The following IMMP2L variants were observed in gnomAD, a reference collection of about 807,000 sequenced individuals.
IMMP2L encodes inner mitochondrial membrane peptidase subunit 2.
IMMP2L carries 18 observed loss-of-function variants against 19.3 expected under a neutral mutation model. The observed-to-expected ratio is 0.93, with a 90% CI of 0.64 to 1.38. The LOEUF is 1.38. Ranked by LOEUF, IMMP2L falls within the 40% of genes most tolerant of loss-of-function variation. The pLI, the probability that IMMP2L is intolerant of heterozygous loss-of-function variation, is 0.00. For synonymous variants in IMMP2L, 76 were observed against 73.0 expected (o/e 1.04, Z -0.21); for missense variants, 233 against 218.2 (o/e 1.07, Z -0.43).
rs796255784 is a variant in IMMP2L, at chr7:111,343,462, C to T, written c.239+143776G>A. On this transcript the variant is annotated intron_variant, in intron 3 of 5. Transcript: ENST00000405709. ...TATCCTGTCCTTTCTAACTTCCACT[C>T]GGCCTTCACTATTCAGCTGAGACAT... Among the ~76,000 whole-genome samples the T allele has an allele frequency of 5.3e-5, 8 of 152,136 alleles. No individual in the cohort carries two copies. In the East Asian group the frequency reaches 5.8e-4, roughly 11 times the overall value.
At chr7:111,384,208 A>G (rs987335454) in intron 3 of IMMP2L, among the ~76,000 whole-genome samples, 3 of 150,582 alleles carry the variant, frequency 2.0e-5, no homozygotes, top group Admixed American at 6.6e-5. Context: ...GAAAGGAGAG[A>G]AGAGAGAGGA....
chr7:110,663,873 T>C (rs1483430640), intron 5 of IMMP2L, 152 bp from the exon 6 acceptor site: 5 of 527,272 alleles, frequency 9.5e-6, no homozygotes, highest in Admixed American at 7.4e-5. Flanking sequence ...TTGTAGCCAT[T>C]GAAATACAAA....
intron 3 of IMMP2L, among the ~76,000 whole-genome samples, chr7:111,050,244 C>A (rs1004315677): frequency 5.9e-5 from 9 of 152,118 alleles, no homozygotes; most frequent in African/African-American, 2.2e-4. Flanking sequence ...CCACTGGGAG[C>A]AATACAGTAA....
intron 1 of IMMP2L, among the ~76,000 whole-genome samples, chr7:111,536,684 T>TA (rs1475275283): frequency 6.6e-6 from 1 of 152,126 alleles, no homozygotes. Context: ...CTTGCACATA[T>TA]AAAAAATTTT....
chr7:110,923,817 G>A (rs2129550789), intron 4 of IMMP2L, among the ~76,000 whole-genome samples: 1 of 152,098 alleles, frequency 6.6e-6, no homozygotes, highest in Middle Eastern at 3.4e-3. Flanking sequence ...TCTTTGTTTA[G>A]GCATTCCTTC....
intron 5 of IMMP2L, among the ~76,000 whole-genome samples, chr7:110,811,299 C>T (rs909114918): frequency 6.6e-6 from 1 of 152,012 alleles, no homozygotes; most frequent in Non-Finnish European, 1.5e-5. Flanking sequence ...GTTTAAAAAT[C>T]ACCAATTCTA....
intron 3 of IMMP2L, among the ~76,000 whole-genome samples, chr7:111,133,338 C>A (rs550801259): frequency 6.6e-6 from 1 of 152,022 alleles, no homozygotes; most frequent in Non-Finnish European, 1.5e-5. Flanking sequence ...TTCTCAGTTA[C>A]TGTAACGTAG....
At chr7:110,674,973 CA>C (rs1413430464) in intron 5 of IMMP2L, among the ~76,000 whole-genome samples, 1 of 152,172 alleles carries the variant, frequency 6.6e-6, no homozygotes, top group African/African-American at 2.4e-5. Flanking sequence ...CCAGCCAGTC[CA>C]ATTCATATCC....
intron 2 of IMMP2L, among the ~76,000 whole-genome samples, chr7:111,497,593 G>T (rs912213461): frequency 1.3e-5 from 2 of 152,094 alleles, no homozygotes; most frequent in East Asian, 3.9e-4. Context: ...AGGAAAGACA[G>T]GACGGAAGAA....
intron 5 of IMMP2L, among the ~76,000 whole-genome samples, chr7:110,677,526 ACTC>A (rs1792399211): frequency 6.6e-6 from 1 of 152,032 alleles, no homozygotes; most frequent in Admixed American, 6.6e-5. Context: ...GATAAACACA[ACTC>A]CTAATAAAAC....
intron 5 of IMMP2L, among the ~76,000 whole-genome samples, chr7:110,843,974 C>A (rs1478034051): frequency 6.6e-6 from 1 of 152,140 alleles, no homozygotes. Flanking sequence ...CAGACTGTTA[C>A]AGACTGGGTT....
intron 5 of IMMP2L, among the ~76,000 whole-genome samples, chr7:110,828,054 T>C (rs1285689775): frequency 1.3e-5 from 2 of 152,154 alleles, no homozygotes; most frequent in African/African-American, 4.8e-5. Context: ...AAAGTGCTCC[T>C]ATCCAGATTT....
chr7:111,468,606 T>G (rs1051419894), intron 3 of IMMP2L, among the ~76,000 whole-genome samples: 6 of 152,042 alleles, frequency 3.9e-5, no homozygotes, highest in Non-Finnish European at 5.9e-5. Flanking sequence ...GAAAATGGAA[T>G]CAGCAGAAGT....
At chr7:111,537,765 A>G (rs1848026677) in intron 1 of IMMP2L, among the ~76,000 whole-genome samples, 2 of 151,788 alleles carry the variant, frequency 1.3e-5, no homozygotes, top group South Asian at 4.2e-4. Context: ...CAAACTCCTG[A>G]GCTCAAGTGA....
chr7:111,419,785 T>G (rs1385085352), intron 3 of IMMP2L, among the ~76,000 whole-genome samples: 1 of 151,204 alleles, frequency 6.6e-6, no homozygotes, highest in Non-Finnish European at 1.5e-5. Flanking sequence ...AAAATAAACT[T>G]TCTAAATTAA....
intron 3 of IMMP2L, among the ~76,000 whole-genome samples, chr7:111,304,444 G>A (rs1300224859): frequency 6.6e-6 from 1 of 151,884 alleles, no homozygotes; most frequent in Non-Finnish European, 1.5e-5. Flanking sequence ...AATGAATTGA[G>A]AAGAGTAAAA....
At chr7:111,193,174 T>C (rs1809085826) in intron 3 of IMMP2L, among the ~76,000 whole-genome samples, 1 of 152,126 alleles carries the variant, frequency 6.6e-6, no homozygotes, top group Non-Finnish European at 1.5e-5. Context: ...TTTTGTGAAG[T>C]ATGTGGAGAT....
At chr7:111,236,079 C>A (rs749499757) in intron 3 of IMMP2L, among the ~76,000 whole-genome samples, 2 of 152,092 alleles carry the variant, frequency 1.3e-5, no homozygotes, top group South Asian at 4.2e-4. Flanking sequence ...TCTTTCCTCT[C>A]CTTTTTTGAA....
chr7:110,997,330 C>T (rs1167410795), intron 3 of IMMP2L, among the ~76,000 whole-genome samples: 1 of 151,806 alleles, frequency 6.6e-6, no homozygotes, highest in Non-Finnish European at 1.5e-5. Context: ...CAGTTTTAGG[C>T]TATTACACAT....
Sources: allele counts gnomAD v4.1 joint callset (sites outside exome capture counted in the v4.1 genomes callset), GRCh38; gene constraint gnomAD v4.1.1; transcripts MANE v1.5; gene names NCBI Gene and HGNC (gene_info 2026-07-23, HGNC 2026-07-21).